NIPBL: variants seen among roughly 807,000 people sequenced by gnomAD.
NIPBL encodes nipped-B-like protein.
In NIPBL, 19 loss-of-function variants were observed where a neutral mutation model predicts 321.8. The ratio of observed to expected loss-of-function variants is 0.06; its 90% confidence interval spans 0.04 to 0.09. NIPBL has a LOEUF of 0.09. Ranked by LOEUF, NIPBL falls within the 10% of genes least tolerant of loss-of-function variation. The pLI, the probability that NIPBL is intolerant of heterozygous loss-of-function variation, is 1.00. For missense variants in NIPBL, 2,210 were observed against 3,327.0 expected, an observed-to-expected ratio of 0.66 and a Z score of 8.26; for synonymous variants, 1,106 against 1,114.1, an observed-to-expected ratio of 0.99 and a Z score of 0.14.
chr5:36,966,823 G>A (rs1396051979), intron 6 of NIPBL, among the ~76,000 whole-genome samples: 2 of 152,034 alleles, frequency 1.3e-5, no homozygotes, highest in African/African-American at 2.4e-5. Flanking sequence ...GAAAGCAAAA[G>A]TGTTCTAGAT....
intron 24 of NIPBL, among the ~76,000 whole-genome samples, chr5:37,017,920 G>C (rs1381715264): frequency 6.6e-6 from 1 of 151,964 alleles, no homozygotes; most frequent in Non-Finnish European, 1.5e-5. Flanking sequence ...TCAAAATATA[G>C]ATGTATGTGT....
intron 41 of NIPBL, 138 bp from the exon 42 acceptor site, chr5:37,052,228 A>G: frequency 1.4e-6 from 1 of 719,916 alleles, no homozygotes; most frequent in East Asian, 2.7e-5. Flanking sequence ...TGTTCCTTCT[A>G]GCACTTCATT....
At chr5:37,058,529 T>C (rs1384874772) in intron 43 of NIPBL, among the ~76,000 whole-genome samples, 1 of 152,238 alleles carries the variant, frequency 6.6e-6, no homozygotes, top group Non-Finnish European at 1.5e-5. Context: ...AAGATTACTT[T>C]ATTCTCCTCA....
intron 2 of NIPBL, among the ~76,000 whole-genome samples, chr5:36,954,438 C>T (rs560073132): frequency 1.3e-5 from 2 of 152,034 alleles, no homozygotes; most frequent in East Asian, 3.9e-4. Flanking sequence ...AGGAAATAAG[C>T]GTAACTAGTT....
chr5:37,031,443 C>G (rs1338780283), intron 32 of NIPBL, among the ~76,000 whole-genome samples: 1 of 152,132 alleles, frequency 6.6e-6, no homozygotes, highest in East Asian at 1.9e-4. Flanking sequence ...TTAGTTTAAA[C>G]CACTACCATA....
chr5:36,916,846 C>A (rs956166010), intron 1 of NIPBL, among the ~76,000 whole-genome samples: 9 of 152,270 alleles, frequency 5.9e-5, no homozygotes, highest in Admixed American at 5.9e-4. Context: ...TTTTTTATGG[C>A]TGCATAGTAT....
At chr5:36,897,117 C>T (rs1746810271) in intron 1 of NIPBL, among the ~76,000 whole-genome samples, 1 of 152,038 alleles carries the variant, frequency 6.6e-6, no homozygotes, top group South Asian at 2.1e-4. Context: ...ATTCTCCTGC[C>T]TCAGCCTCCC....
rs1741287741 is a variant in NIPBL at position 36,958,935 on chromosome 5, GGTGACTCACGC to G, written c.358+705_358+715del. ...TTTAAGAATTTTATCAGCCGGGCAT[GGTGACTCACGC>G]CTGTAATCCCAGCACTTTTGGAAGC... On this transcript the variant is annotated intron_variant, in intron 4 of 46. Coordinates refer to ENST00000282516, the MANE Select transcript of NIPBL (RefSeq NM_133433.4). Among the ~76,000 whole-genome samples, 3 of 152,252 alleles carry G rather than the reference GGTGACTCACGC, an allele frequency of 2.0e-5. No homozygotes were observed. In the East Asian group the frequency reaches 5.8e-4, roughly 29 times the overall value.
Position 36,924,832 on chromosome 5 carries a change from G to A in NIPBL, c.-79-28786G>A, listed in dbSNP as rs923671462. On this transcript the variant is annotated intron_variant, in intron 1 of 46. Transcript: ENST00000282516. Reference sequence around the variant, plus strand: ...TCCTTGTCCTATCCCCACCCCAGACGTTTCCATTTTGCTTTTATTTTCTAT... The same window carrying A: ...TCCTTGTCCTATCCCCACCCCAGACATTTCCATTTTGCTTTTATTTTCTAT... Among the ~76,000 whole-genome samples, 16 of 152,126 alleles carry A rather than the reference G, an allele frequency of 1.1e-4. No homozygotes were observed. The East Asian group carries it at 1.2e-3, about 11-fold the overall frequency.
At position 37,033,728 on chromosome 5, in the gene NIPBL, ATAT is replaced by A. The variant is rs1252648352; in HGVS notation, c.5863-2649_5863-2647del. Among the ~76,000 whole-genome samples, 258 of 48,388 alleles carry A rather than the reference ATAT, an allele frequency of 5.3e-3. 1 individual carries two copies. The highest frequency in any genetic ancestry group is 0.028 in the East Asian group (44 of 1,550). The allele number at this position is 48,388 out of a possible 152,430, so 31.7% of individuals were successfully genotyped here. On this transcript the variant is annotated intron_variant, in intron 32 of 46. Transcript: ENST00000282516. ...CACATATATATATATATATATATATATATTTTTTTTTTTTTTTTTTTTAATGGC... is the reference window on the plus strand; with the variant it reads ...CACATATATATATATATATATATATATTTTTTTTTTTTTTTTTTTAATGGC...
At chr5:36,932,782 T>G (rs943366442) in intron 1 of NIPBL, among the ~76,000 whole-genome samples, 3 of 147,706 alleles carry the variant, frequency 2.0e-5, no homozygotes, top group Non-Finnish European at 4.5e-5. Flanking sequence ...TCTGCTGTTT[T>G]TTTTTTTTTT....
At chr5:36,944,676 T>G (rs1739465977) in intron 1 of NIPBL, among the ~76,000 whole-genome samples, 2 of 152,128 alleles carry the variant, frequency 1.3e-5, no homozygotes, top group African/African-American at 4.8e-5. Context: ...TCAGGATCTT[T>G]TGCTTTCTAA....
At chr5:36,949,667 A>G (rs2149591849) in intron 1 of NIPBL, among the ~76,000 whole-genome samples, 1 of 152,020 alleles carries the variant, frequency 6.6e-6, no homozygotes, top group East Asian at 1.9e-4. Flanking sequence ...AATTGTTGAG[A>G]AAAAATGATG....
chr5:36,890,257 C>A (rs928529374), intron 1 of NIPBL, among the ~76,000 whole-genome samples: 1 of 152,014 alleles, frequency 6.6e-6, no homozygotes, highest in African/African-American at 2.4e-5. Flanking sequence ...GTTTTTTCCC[C>A]CTTTAGGGGC....
rs1475586977 is a variant in NIPBL at position 37,046,288 on chromosome 5, TTAA to T, written c.6589+92_6589+94del. Reference sequence around the variant, plus strand: ...TGTGAATCTAAATTGTTGATTTACTTTAATATGTTTCTATTAGCAGTAGGATTT... The same window carrying T: ...TGTGAATCTAAATTGTTGATTTACTTTATGTTTCTATTAGCAGTAGGATTT... On this transcript the variant is annotated intron_variant, in intron 38 of 46. Transcript: ENST00000282516. 4.4e-5 allele frequency: 35 copies of T among 794,444 alleles called. No individual in the cohort carries two copies. The African/African-American group carries it at 5.5e-4, about 12-fold the overall frequency. 49.2% of individuals were successfully genotyped at this position (794,444 alleles called of 1,614,324 possible). A position where few individuals can be genotyped will look rare whatever the true frequency, so the allele number is the denominator to read the frequency against.
intron 1 of NIPBL, among the ~76,000 whole-genome samples, chr5:36,928,142 C>T (rs897192080): frequency 3.9e-5 from 6 of 152,118 alleles, no homozygotes; most frequent in African/African-American, 9.7e-5. Context: ...ATCTGTAAAA[C>T]GAAGAGATTG....
At chr5:36,882,208 C>T (rs1745557065) in intron 1 of NIPBL, among the ~76,000 whole-genome samples, 1 of 151,738 alleles carries the variant, frequency 6.6e-6, no homozygotes, top group Non-Finnish European at 1.5e-5. Flanking sequence ...TCTTTATTTT[C>T]TGGGGTGAAT....
intron 1 of NIPBL, among the ~76,000 whole-genome samples, chr5:36,939,190 A>G (rs1349744053): frequency 6.6e-6 from 1 of 152,070 alleles, no homozygotes; most frequent in African/African-American, 2.4e-5. Flanking sequence ...TTTTGTAGAG[A>G]TGGGCTTTTG....
intron 1 of NIPBL, chr5:36,886,500 C>T: frequency 4.0e-6 from 3 of 751,562 alleles, no homozygotes; most frequent in Non-Finnish European, 7.2e-6. Flanking sequence ...GACATTAAGT[C>T]AGCAGAAGCA....
Sources: gnomAD v4.1 joint callset for allele counts (sites outside exome capture counted in the v4.1 genomes callset) on GRCh38, gnomAD v4.1.1 for gene constraint, MANE v1.5 for transcripts, NCBI Gene and HGNC (gene_info 2026-07-23, HGNC 2026-07-21) for gene names.